IL4R: variants seen among roughly 807,000 people sequenced by gnomAD.
IL4R encodes interleukin-4 receptor subunit alpha.
IL4R carries 17 observed loss-of-function variants against 41.5 expected under a neutral mutation model. That is an observed-to-expected ratio of 0.41 (90% CI 0.28 to 0.61). The LOEUF (loss-of-function observed/expected upper bound fraction) is 0.61, where lower values mean the gene tolerates loss of function less well. Ranked by LOEUF, IL4R falls within the 20% of genes least tolerant of loss-of-function variation. The pLI, the probability that IL4R is intolerant of heterozygous loss-of-function variation, is 0.31. For missense variants in IL4R, 974 were observed against 1,043.1 expected, an observed-to-expected ratio of 0.93 and a Z score of 0.91; for synonymous variants, 402 against 422.9, an observed-to-expected ratio of 0.95 and a Z score of 0.61.
In IL4R at chr16:27,352,448, C is replaced by T. The variant is rs1448338668; in HGVS notation, c.514-92C>T. On this transcript the variant is annotated intron_variant, in intron 6 of 10. Coordinates refer to ENST00000395762, the MANE Select transcript of IL4R (RefSeq NM_000418.4). ...AATACCCAGGCTGGTGGCTCTTAAA[C>T]ATGGTGGGGTCAGCTAACGACAGCA... 3.8e-6 allele frequency: 4 copies of T among 1,048,508 alleles called. No homozygotes were observed. In the East Asian group the frequency reaches 9.7e-5, roughly 25 times the overall value. The allele number at this position is 1,048,508 out of a possible 1,614,324, so 65.0% of individuals were successfully genotyped here.
intron 1 of IL4R, among the ~76,000 whole-genome samples, chr16:27,323,657 T>A (rs1425262021): frequency 2.0e-5 from 3 of 151,934 alleles, no homozygotes; most frequent in Non-Finnish European, 4.4e-5. Flanking sequence ...GCTCAAGGGC[T>A]TCTTTTTTTT....
intron 6 of IL4R, among the ~76,000 whole-genome samples, chr16:27,351,853 A>G (rs1031170999): frequency 1.3e-5 from 2 of 152,228 alleles, no homozygotes; most frequent in African/African-American, 2.4e-5. Flanking sequence ...AACAAAAAAC[A>G]TAAAAAGAAG....
chr16:27,362,337 A>G lies in IL4R; in HGVS notation c.985A>G (p.Lys329Glu). The G allele has an allele frequency of 6.2e-7, 1 of 1,614,206 alleles. No individual in the cohort carries two copies. The change falls in exon 11 of 11, where the codon AAA (lysine) becomes GAA (glutamate). Residue 329 changes from lysine to glutamate, a missense_variant. By Grantham distance (56) the Lys-to-Glu change is moderately conservative. Transcript: ENST00000395762. Reference sequence around the variant, plus strand: ...GGATGAAGATCCTCACAAGGCTGCCAAAGAGATGCCTTTCCAGGGCTCTGG... The same window carrying G: ...GGATGAAGATCCTCACAAGGCTGCCGAAGAGATGCCTTTCCAGGGCTCTGG... Reference protein sequence around the residue: ...KRDEDPHKAAKEMPFQGSGKS... With the variant: ...KRDEDPHKAAEEMPFQGSGKS...
intron 6 of IL4R, among the ~76,000 whole-genome samples, chr16:27,346,869 G>A (rs3024576): frequency 0.083 from 12,638 of 152,276 alleles, 622 homozygotes; most frequent in African/African-American, 0.096. Flanking sequence ...GTAAAGGTAG[G>A]GCTGTGGGCC....
rs766083512 is a variant in IL4R at position 27,363,029 on chromosome 16, C to A, written c.1677C>A (p.Leu559=). 1 of 1,614,176 alleles carries A rather than the reference C, an allele frequency of 6.2e-7. No individual in the cohort carries two copies. The highest frequency in any genetic ancestry group is 1.7e-5 in the Admixed American group (1 of 60,028). ...TWEQILRRNV[L]QHGAAAAPVS... is the part of the protein sequence containing the mutation. ...AGCAGATCCTCCGCCGAAATGTCCTCCAGCATGGGGCAGCTGCAGCCCCCG... is the reference window on the plus strand; with the variant it reads ...AGCAGATCCTCCGCCGAAATGTCCTACAGCATGGGGCAGCTGCAGCCCCCG... The change falls in exon 11 of 11, where the codon CTC becomes CTA. Residue 559 remains leucine (L), a synonymous_variant. Transcript: ENST00000395762.
Position 27,363,820 on chromosome 16 carries a change from G to A in IL4R, c.2468G>A (p.Arg823Lys). Reference sequence around the variant, plus strand: ...GTCTCCGTGGGACCCACATACATGAGGGTCTCTTAGGTGCATGTCCTCTTG... The same window carrying A: ...GTCTCCGTGGGACCCACATACATGAAGGTCTCTTAGGTGCATGTCCTCTTG... ...NFVSVGPTYM[R>K]VS Residue 823 changes from arginine (R) to lysine (K), a missense_variant, in exon 11 of 11, where the codon AGG (arginine) becomes AAG (lysine). Physicochemically the swap from Arg to Lys is conservative, Grantham distance 26 (BLOSUM62 2). Coordinates refer to ENST00000395762, the MANE Select transcript of IL4R (RefSeq NM_000418.4). 1 of 1,601,882 alleles carries A rather than the reference G, an allele frequency of 6.2e-7. No individual in the cohort carries two copies.
At chr16:27,349,080 C>G (rs1385384756) in intron 6 of IL4R, among the ~76,000 whole-genome samples, 1 of 152,196 alleles carries the variant, frequency 6.6e-6, no homozygotes, top group African/African-American at 2.4e-5. Flanking sequence ...TCTCTCCCTT[C>G]CCAAGAACAG....
chr16:27,324,363 A>T (rs2084895799), intron 1 of IL4R, among the ~76,000 whole-genome samples: 1 of 152,120 alleles, frequency 6.6e-6, no homozygotes, highest in East Asian at 1.9e-4. Flanking sequence ...AGAGGTGGAA[A>T]ATTGGGGATG....
chr16:27,356,062 T>A (rs187626718), intron 8 of IL4R, among the ~76,000 whole-genome samples, 155 bp downstream of exon 8: 15 of 150,548 alleles, frequency 1.0e-4, no homozygotes, highest in Admixed American at 4.0e-4. Flanking sequence ...TGAGAACATA[T>A]CGACAAGGAC....
At chr16:27,325,801 C>T (rs1217632043) in intron 1 of IL4R, among the ~76,000 whole-genome samples, 3 of 152,032 alleles carry the variant, frequency 2.0e-5, no homozygotes. Context: ...AAACCTGACC[C>T]TCTAGGATGA....
chr16:27,324,688 G>T (rs1297424728), intron 1 of IL4R, among the ~76,000 whole-genome samples: 4 of 152,228 alleles, frequency 2.6e-5, no homozygotes, highest in African/African-American at 4.8e-5. Context: ...AGTTTCCTCA[G>T]GCTCTGTTTC....
Position 27,346,501 on chromosome 16 carries a change from C to T in IL4R, c.396C>T (p.His132=), listed in dbSNP as rs577423442. 6.2e-7 allele frequency: 1 copy of T among 1,614,192 alleles called. No homozygotes were observed. The highest frequency in any genetic ancestry group is 8.5e-7 in the Non-Finnish European group (1 of 1,180,026). ...KPRAPGNLTV[H]TNVSDTLLLT... ...GGGCCCCAGGAAACCTGACAGTTCA[C>T]ACCAATGTCTCCGACACTCTGCTGC... Residue 132 remains histidine (H), a synonymous_variant, in exon 6 of 11, where the codon CAC becomes CAT. Coordinates refer to ENST00000395762, the MANE Select transcript of IL4R (RefSeq NM_000418.4).
At chr16:27,352,504 C>T (rs371917588) in intron 6 of IL4R, 36 bp from the exon 7 acceptor site, 259 of 1,604,614 alleles carry the variant, frequency 1.6e-4, no homozygotes, top group Non-Finnish European at 2.0e-4. Context: ...CCCTCGCCCC[C>T]GGCTGGTGCC....
Position 27,362,305 on chromosome 16 carries a change from T to C in IL4R, c.953T>C (p.Met318Thr), listed in dbSNP as rs1211680229. 2 of 1,613,894 alleles carry C rather than the reference T, an allele frequency of 1.2e-6. No homozygotes were observed. Among genetic ancestry groups the C allele is most frequent in the East Asian group, 2.2e-5 (1 of 44,852 alleles). ...TTGCCCTGTTTTCTGGAGCACAACA[T>C]GAAAAGGGATGAAGATCCTCACAAG... ...KLLPCFLEHN[M>T]KRDEDPHKAA... Residue 318 changes from methionine to threonine, a missense_variant, in exon 11 of 11, where the codon ATG becomes ACG. This residue lies in a region of IL4R where 682 missense variants were observed against 704.3 expected (regional missense o/e 0.97). Coordinates refer to ENST00000395762, the MANE Select transcript of IL4R (RefSeq NM_000418.4).
intron 6 of IL4R, 108 bp from the exon 7 acceptor site, chr16:27,352,432 G>T: frequency 1.2e-6 from 1 of 843,606 alleles, no homozygotes; most frequent in South Asian, 1.6e-5. Flanking sequence ...AAATACCCAG[G>T]CTGGTGGCTC....
chr16:27,360,651 G>A, intron 9 of IL4R, 115 bp from the exon 10 acceptor site: 1 of 1,242,206 alleles, frequency 8.1e-7, no homozygotes, highest in Non-Finnish European at 1.2e-6. Context: ...TAAGTGACCT[G>A]TTGGACTTCT....
chr16:27,323,051 G>A (rs1041192430), intron 1 of IL4R, among the ~76,000 whole-genome samples: 1 of 152,098 alleles, frequency 6.6e-6, no homozygotes, highest in Admixed American at 6.6e-5. Flanking sequence ...CACCCATCCA[G>A]GAATGGTATG....
intron 2 of IL4R, among the ~76,000 whole-genome samples, chr16:27,333,081 A>C (rs1322322827): frequency 6.6e-6 from 1 of 152,066 alleles, no homozygotes; most frequent in Non-Finnish European, 1.5e-5. Flanking sequence ...TTTATGTCCC[A>C]GAATGTGGTC....
rs967928313 is a variant in IL4R at position 27,363,161 on chromosome 16, C to T, written c.1809C>T (p.Tyr603=). 2 of 1,612,772 alleles carry T rather than the reference C, an allele frequency of 1.2e-6. No individual in the cohort carries two copies. The highest frequency in any genetic ancestry group is 3.3e-5 in the Admixed American group (2 of 59,938). Residue 603 remains tyrosine (Y), a synonymous_variant, in exon 11 of 11, where the codon TAC becomes TAT. Coordinates refer to ENST00000395762, the MANE Select transcript of IL4R (RefSeq NM_000418.4). The part of the protein sequence containing the change: ...VGLGPPGEAG[Y]KAFSSLLASS... Reference sequence around the variant, plus strand: ...TGGGTCCCCCAGGAGAGGCTGGTTACAAGGCCTTCTCAAGCCTGCTTGCCA... The same window carrying T: ...TGGGTCCCCCAGGAGAGGCTGGTTATAAGGCCTTCTCAAGCCTGCTTGCCA...
Sources: gnomAD v4.1 joint callset for allele counts (sites outside exome capture counted in the v4.1 genomes callset) on GRCh38, gnomAD v4.1.1 for gene constraint, gnomAD v4.1.1 regional missense constraint, MANE v1.5 for transcripts, NCBI Gene and HGNC (gene_info 2026-07-23, HGNC 2026-07-21) for gene names.